The following KIAA1614 variants were observed in gnomAD, a reference collection of about 807,000 sequenced individuals.
KIAA1614 encodes the protein KIAA1614.
Under a neutral mutation model 88.7 loss-of-function variants are expected in KIAA1614, and 76 were observed. The observed-to-expected ratio is 0.86, with a 90% CI of 0.71 to 1.04. KIAA1614 has a LOEUF of 1.04. Among genes scored for constraint, KIAA1614 ranks in the 50% least tolerant of loss-of-function variants. The pLI, the probability that KIAA1614 is intolerant of heterozygous loss-of-function variation, is 0.00. For synonymous variants in KIAA1614, 714 were observed against 675.5 expected, an observed-to-expected ratio of 1.06 and a Z score of -0.88; for missense variants, 1,553 against 1,582.5, an observed-to-expected ratio of 0.98 and a Z score of 0.32.
At chr1:180,944,217 C>A in intron 7 of KIAA1614, 172 bp from the exon 8 acceptor site, 1 of 600,324 alleles carries the variant, frequency 1.7e-6, no homozygotes, top group Admixed American at 2.9e-5. Flanking sequence ...TATGTAGACC[C>A]ATGATGTCCT....
Position 180,945,915 on chromosome 1 carries a change from GC to G in KIAA1614, c.*330del. The G allele has an allele frequency of 1.7e-6, 1 of 572,002 alleles. No individual in the cohort carries two copies. The highest frequency in any genetic ancestry group is 2.3e-6 in the Non-Finnish European group (1 of 433,146). The allele number at this position is 572,002 out of a possible 1,614,324, so 35.4% of individuals were successfully genotyped here. ...AGGTCAGGAGTTCGAGACCAGTCTG[GC>G]CCACATGGTGAAACCCATGTCTACT... On this transcript the variant is annotated 3_prime_UTR_variant, in exon 9 of 9. Transcript: ENST00000367588.
chr1:180,928,361 G>GC, intron 3 of KIAA1614, 69 bp from the exon 4 acceptor site: 1 of 1,432,916 alleles, frequency 7.0e-7, no homozygotes, highest in Non-Finnish European at 9.3e-7. Flanking sequence ...CACTGCTAAA[G>GC]CCCTCCTAAT....
At chr1:180,930,263 C>G (rs1049737403) in intron 4 of KIAA1614, among the ~76,000 whole-genome samples, 10 of 152,004 alleles carry the variant, frequency 6.6e-5, no homozygotes, top group South Asian at 2.1e-4. Context: ...ACTAAAGATA[C>G]AAAAAATTAG....
At position 180,916,894 on chromosome 1, in the gene KIAA1614, T is replaced by C. The variant is rs757180034; in HGVS notation, c.791T>C (p.Val264Ala). ...AGCACATCCCTGACCTCCGAGGAGG[T>C]CTTTGTCCCCAGGACGGCCCTGCTG... is the stretch of plus-strand genomic sequence containing the variant. ...LDSTSLTSEE[V>A]FVPRTALLGE... The change falls in exon 2 of 9, where the codon GTC becomes GCC. Residue 264 changes from valine (V) to alanine (A), a missense_variant. By Grantham distance (64) the Val-to-Ala change is moderately conservative. Coordinates refer to ENST00000367588, the MANE Select transcript of KIAA1614 (RefSeq NM_020950.2). 3.1e-6 allele frequency: 5 copies of C among 1,613,996 alleles called. No homozygotes were observed. The highest frequency in any genetic ancestry group is 4.2e-6 in the Non-Finnish European group (5 of 1,179,984).
rs2297185 is a variant in KIAA1614, at chr1:180,950,119, C to T, written c.*4531C>T. 37,822 of 160,194 alleles carry T rather than the reference C, an allele frequency of 0.24. 4,994 individuals are homozygous for T. The highest frequency in any genetic ancestry group is 0.31 in the Admixed American group (4,830 of 15,584). 9.9% of individuals were successfully genotyped at this position (160,194 alleles called of 1,614,324 possible). ...GCAGAGACAGTGGAATGGAGTTAGA[C>T]CATGGAGGAGGCGCACTGTATCTAT... On this transcript the variant is annotated 3_prime_UTR_variant, in exon 9 of 9. Coordinates refer to ENST00000367588, the MANE Select transcript of KIAA1614 (RefSeq NM_020950.2).
chr1:180,928,394 C>G, intron 3 of KIAA1614, 36 bp from the exon 4 acceptor site: 1 of 1,493,778 alleles, frequency 6.7e-7, no homozygotes, highest in Non-Finnish European at 8.9e-7. Context: ...CCTCTAATCC[C>G]TCCCCCACCA....
chr1:180,928,699 T>C, intron 4 of KIAA1614, 126 bp downstream of exon 4: 1 of 1,090,802 alleles, frequency 9.2e-7, no homozygotes, highest in Non-Finnish European at 1.3e-6. Flanking sequence ...TCTGTGTGTT[T>C]TCCATATAAG....
intron 3 of KIAA1614, among the ~76,000 whole-genome samples, chr1:180,924,984 T>C (rs980810833): frequency 1.3e-5 from 2 of 150,546 alleles, no homozygotes; most frequent in African/African-American, 4.8e-5. Context: ...CTCTCACTTA[T>C]CTTAACAACT....
chr1:180,936,565 C>T lies in KIAA1614; in HGVS notation c.2656C>T (p.Pro886Ser), dbSNP rs1383720867. ...CACCAACAACTGCAACAACAGCGCACCTCGGGGGCTGCAGGAGCCCTACGG... is the reference window on the plus strand; with the variant it reads ...CACCAACAACTGCAACAACAGCGCATCTCGGGGGCTGCAGGAGCCCTACGG... ...LSTNNCNNSAPRGLQEPYGGA... is the reference protein window; with the variant it reads ...LSTNNCNNSASRGLQEPYGGA... Residue 886 changes from proline to serine, a missense_variant, in exon 5 of 9, where the codon CCT (proline) becomes TCT (serine). Coordinates refer to ENST00000367588, the MANE Select transcript of KIAA1614 (RefSeq NM_020950.2). 1 of 1,613,704 alleles carries T rather than the reference C, an allele frequency of 6.2e-7. No individual in the cohort carries two copies. Among genetic ancestry groups the T allele is most frequent in the Admixed American group, 1.7e-5 (1 of 59,968 alleles).
intron 5 of KIAA1614, among the ~76,000 whole-genome samples, chr1:180,938,297 C>T (rs1037081131): frequency 2.0e-5 from 3 of 152,210 alleles, no homozygotes; most frequent in African/African-American, 4.8e-5. Context: ...GACGAGGTTA[C>T]AGCAGTCAAC....
chr1:180,926,380 G>A (rs889339515), intron 3 of KIAA1614, among the ~76,000 whole-genome samples: 8 of 151,502 alleles, frequency 5.3e-5, no homozygotes, highest in African/African-American at 1.9e-4. Flanking sequence ...GTGTGGTACT[G>A]CATGGATGCC....
intron 8 of KIAA1614, 149 bp downstream of exon 8, chr1:180,944,665 T>C: frequency 2.3e-6 from 2 of 856,760 alleles, no homozygotes; most frequent in Non-Finnish European, 3.4e-6. Context: ...GAGACGAGGC[T>C]GCCACGGGAG....
At chr1:180,915,436 C>T (rs974676274) in intron 1 of KIAA1614, among the ~76,000 whole-genome samples, 8 of 152,172 alleles carry the variant, frequency 5.3e-5, no homozygotes. Context: ...AAGTAAGAGG[C>T]CAGGGATTGG....
chr1:180,945,393 G>C lies in KIAA1614; in HGVS notation c.3378G>C (p.Val1126=). Reference sequence around the variant, plus strand: ...GCACCGTGGGCCGCCTGGTGGAGGTGTTCCCAGACGGCACCAGCCAGCTGC... The same window carrying C: ...GCACCGTGGGCCGCCTGGTGGAGGTCTTCCCAGACGGCACCAGCCAGCTGC... ...LARTVGRLVE[V]FPDGTSQLQL... The change falls in exon 9 of 9, where the codon GTG becomes GTC. Residue 1126 remains valine, a synonymous_variant. Transcript: ENST00000367588. 1 of 1,602,338 alleles carries C rather than the reference G, an allele frequency of 6.2e-7. No homozygotes were observed. Among genetic ancestry groups the C allele is most frequent in the Non-Finnish European group, 8.5e-7 (1 of 1,176,230 alleles).
At chr1:180,939,279 C>A (rs1654401892) in intron 6 of KIAA1614, among the ~76,000 whole-genome samples, 1 of 152,178 alleles carries the variant, frequency 6.6e-6, no homozygotes, top group African/African-American at 2.4e-5. Flanking sequence ...TGAAGAGGCA[C>A]CAGAGCCAGC....
At chr1:180,932,261 T>C (rs1454702020) in intron 4 of KIAA1614, among the ~76,000 whole-genome samples, 3 of 152,032 alleles carry the variant, frequency 2.0e-5, no homozygotes, top group Non-Finnish European at 4.4e-5. Context: ...AGCAGCGGGG[T>C]GTCCTGCTCA....
chr1:180,917,379 T>C (rs1653843262), intron 2 of KIAA1614, among the ~76,000 whole-genome samples: 1 of 152,156 alleles, frequency 6.6e-6, no homozygotes, highest in Admixed American at 6.5e-5. Context: ...TATGATGTCT[T>C]CTTTGCGGCT....
chr1:180,934,190 G>T (rs868618769), intron 4 of KIAA1614, among the ~76,000 whole-genome samples: 1 of 149,626 alleles, frequency 6.7e-6, no homozygotes, highest in Non-Finnish European at 1.5e-5. Context: ...GGAGGCGGAG[G>T]TTGCGGTCCT....
In KIAA1614 at chr1:180,945,799, T is replaced by C; in HGVS notation, c.*211T>C. On this transcript the variant is annotated 3_prime_UTR_variant, in exon 9 of 9. Coordinates refer to ENST00000367588, the MANE Select transcript of KIAA1614 (RefSeq NM_020950.2). ...ACTCCACTGTCCCCCTGCTGTCTGATGACATCTTGAAATTAGAAGCTTAGG... is the reference window on the plus strand; with the variant it reads ...ACTCCACTGTCCCCCTGCTGTCTGACGACATCTTGAAATTAGAAGCTTAGG... The C allele has an allele frequency of 2.2e-6, 3 of 1,340,270 alleles. No individual in the cohort carries two copies. Among genetic ancestry groups the C allele is most frequent in the East Asian group, 3.1e-5 (1 of 31,946 alleles). The allele number at this position is 1,340,270 out of a possible 1,614,324, so 83.0% of individuals were successfully genotyped here.
Sources: allele counts gnomAD v4.1 joint callset (sites outside exome capture counted in the v4.1 genomes callset), GRCh38; gene constraint gnomAD v4.1.1; transcripts MANE v1.5; gene names NCBI Gene and HGNC (gene_info 2026-07-23, HGNC 2026-07-21).